FAM171A1: variants seen among roughly 807,000 people sequenced by gnomAD.
FAM171A1 encodes family with sequence similarity 171 member A1, also known as protein FAM171A1.
In FAM171A1, 23 loss-of-function variants were observed where a neutral mutation model predicts 74.9. That is an observed-to-expected ratio of 0.31 (90% CI 0.22 to 0.44). The LOEUF (loss-of-function observed/expected upper bound fraction) is 0.44, where lower values mean the gene tolerates loss of function less well. Among genes scored for constraint, FAM171A1 ranks in the 20% least tolerant of loss-of-function variants. The pLI is 1.00. For synonymous variants in FAM171A1, 527 were observed against 505.7 expected, an observed-to-expected ratio of 1.04 and a Z score of -0.57; for missense variants, 1,162 against 1,159.2, an observed-to-expected ratio of 1.00 and a Z score of -0.03.
intron 5 of FAM171A1, among the ~76,000 whole-genome samples, chr10:15,238,125 T>C (rs559691508): frequency 2.2e-4 from 33 of 152,290 alleles, no homozygotes; most frequent in African/African-American, 1.2e-4. Context: ...ATTCTAATGT[T>C]TGGGGGCACA....
intron 2 of FAM171A1, among the ~76,000 whole-genome samples, chr10:15,281,643 C>G (rs1470209716): frequency 6.6e-6 from 1 of 152,184 alleles, no homozygotes; most frequent in East Asian, 1.9e-4. Flanking sequence ...AAGTGGATCA[C>G]CTGAGGTCAG....
intron 1 of FAM171A1, among the ~76,000 whole-genome samples, chr10:15,290,200 C>A (rs1167977230): frequency 6.6e-6 from 1 of 151,678 alleles, no homozygotes; most frequent in Non-Finnish European, 1.5e-5. Flanking sequence ...TGCACTCCAG[C>A]CTGGATGACA....
intron 1 of FAM171A1, among the ~76,000 whole-genome samples, chr10:15,333,391 C>G (rs1230449254): frequency 6.6e-6 from 1 of 152,094 alleles, no homozygotes; most frequent in African/African-American, 2.4e-5. Flanking sequence ...TCCCAGTTAC[C>G]TGGGAGGCTA....
Position 15,213,019 on chromosome 10 carries a change from G to A in FAM171A1, c.2569C>T (p.His857Tyr), listed in dbSNP as rs748814910. The change falls in exon 8 of 8, where the codon CAC (histidine) becomes TAC (tyrosine). Residue 857 changes from histidine (H) to tyrosine (Y), a missense_variant. By Grantham distance (83) the His-to-Tyr change is moderately conservative. Transcript: ENST00000378116. This position sits in a 1 kb window ranked among gnomAD's most constrained non-coding sequence, Gnocchi z 6.8. ...TCATCATCGTCTTCCTCTTCCTCGTGGGCAGATCTTCTCTGGTGGGGGCTG... is the reference window on the plus strand; with the variant it reads ...TCATCATCGTCTTCCTCTTCCTCGTAGGCAGATCTTCTCTGGTGGGGGCTG... ...AASPHQRRSA[H>Y]EEEEDDDDDD... 1.2e-6 allele frequency: 2 copies of A among 1,613,972 alleles called. No homozygotes were observed. Among genetic ancestry groups the A allele is most frequent in the East Asian group, 4.5e-5 (2 of 44,850 alleles).
In FAM171A1 at chr10:15,212,086, A is replaced by G. The variant is rs1564610531; in HGVS notation, c.*829T>C. 1 of 152,658 alleles carries G rather than the reference A, an allele frequency of 6.6e-6. No individual in the cohort carries two copies. Among genetic ancestry groups the G allele is most frequent in the African/African-American group, 2.4e-5 (1 of 41,458 alleles). The allele number at this position is 152,658 out of a possible 1,614,324, so 9.5% of individuals were successfully genotyped here. ...AAGAGACATCCTTTAATAACTGTATAAAATCCAGGCAGTTCCATTAAAGGG... is the reference window on the plus strand; with the variant it reads ...AAGAGACATCCTTTAATAACTGTATGAAATCCAGGCAGTTCCATTAAAGGG... On this transcript the variant is annotated 3_prime_UTR_variant, in exon 8 of 8. Transcript: ENST00000378116.
intron 5 of FAM171A1, among the ~76,000 whole-genome samples, chr10:15,230,114 C>T (rs1247486390): frequency 6.6e-6 from 1 of 152,170 alleles, no homozygotes; most frequent in Non-Finnish European, 1.5e-5. Context: ...TATACTTTAA[C>T]AAAATCAGCA....
rs932260525 is a variant in FAM171A1 at position 15,351,172 on chromosome 10, T to C, written c.97+19784A>G. ...ACTGAGTCTTAATTCTTTTTATCTT[T>C]GCTCAGATCAGAAGAATGACTGTCT... On this transcript the variant is annotated intron_variant, in intron 1 of 7. Coordinates refer to ENST00000378116, the MANE Select transcript of FAM171A1 (RefSeq NM_001010924.2). Among the ~76,000 whole-genome samples, 8 of 152,360 alleles carry C rather than the reference T, an allele frequency of 5.3e-5. No homozygotes were observed. The South Asian group carries it at 1.7e-3, about 32-fold the overall frequency.
intron 1 of FAM171A1, among the ~76,000 whole-genome samples, chr10:15,368,182 T>G (rs1836089258): frequency 6.6e-6 from 1 of 152,192 alleles, no homozygotes; most frequent in Admixed American, 6.5e-5. Context: ...ACCCTTACCG[T>G]GACAACTGAC....
intron 3 of FAM171A1, among the ~76,000 whole-genome samples, chr10:15,275,393 T>A (rs1284265785): frequency 6.6e-6 from 1 of 151,912 alleles, no homozygotes; most frequent in Non-Finnish European, 1.5e-5. Flanking sequence ...TTTAAGCGAT[T>A]CTCCTGCCTC....
chr10:15,236,862 C>T (rs1588504891), intron 5 of FAM171A1, among the ~76,000 whole-genome samples: 1 of 152,200 alleles, frequency 6.6e-6, no homozygotes, highest in South Asian at 2.1e-4. Context: ...GAGGCTGAGG[C>T]AGGAGGATCA....
chr10:15,333,181 G>C (rs1206989596), intron 1 of FAM171A1, among the ~76,000 whole-genome samples: 1 of 152,154 alleles, frequency 6.6e-6, no homozygotes, highest in African/African-American at 2.4e-5. Context: ...TTGGGTCCTG[G>C]GAACTGGGGC....
intron 3 of FAM171A1, among the ~76,000 whole-genome samples, chr10:15,266,255 G>C (rs1010929768): frequency 6.6e-6 from 1 of 152,196 alleles, no homozygotes; most frequent in Non-Finnish European, 1.5e-5. Context: ...GGAAAAGAAA[G>C]GGGACGAGAG....
chr10:15,250,797 CATTAAA>C (rs1238112938), intron 4 of FAM171A1, among the ~76,000 whole-genome samples: 1 of 152,090 alleles, frequency 6.6e-6, no homozygotes, highest in African/African-American at 2.4e-5. Flanking sequence ...ACTACAGAGA[CATTAAA>C]TAATTTACTA....
At chr10:15,242,086 T>A (rs1170698948) in intron 5 of FAM171A1, among the ~76,000 whole-genome samples, 1 of 152,218 alleles carries the variant, frequency 6.6e-6, no homozygotes, top group African/African-American at 2.4e-5. Context: ...ATTTAAAGTA[T>A]TAAACTATTT....
At chr10:15,332,490 T>C (rs1276766311) in intron 1 of FAM171A1, among the ~76,000 whole-genome samples, 2 of 152,132 alleles carry the variant, frequency 1.3e-5, no homozygotes, top group Non-Finnish European at 2.9e-5. Context: ...AAGGGACAGG[T>C]TCTGGGGCGC....
rs371130762 is a variant in FAM171A1 at position 15,223,307 on chromosome 10, C to T, written c.755-2247G>A. Among the ~76,000 whole-genome samples, 19 of 152,362 alleles carry T rather than the reference C, an allele frequency of 1.2e-4. No homozygotes were observed. In the South Asian group the frequency reaches 1.5e-3, roughly 12 times the overall value. On this transcript the variant is annotated intron_variant, in intron 5 of 7. Coordinates refer to ENST00000378116, the MANE Select transcript of FAM171A1 (RefSeq NM_001010924.2). Reference sequence around the variant, plus strand: ...GCACCCGTTCAGCTCATGACTTACACGTCGTATCCCCTCCCCAAAGCTGGC... The same window carrying T: ...GCACCCGTTCAGCTCATGACTTACATGTCGTATCCCCTCCCCAAAGCTGGC...
intron 1 of FAM171A1, among the ~76,000 whole-genome samples, chr10:15,291,861 C>T (rs938130084): frequency 2.0e-5 from 3 of 152,234 alleles, no homozygotes; most frequent in African/African-American, 7.2e-5. Context: ...AGACCCACAC[C>T]TCCCTGTCTT....
chr10:15,295,349 A>G (rs1001654915), intron 1 of FAM171A1, among the ~76,000 whole-genome samples: 1 of 152,230 alleles, frequency 6.6e-6, no homozygotes, highest in African/African-American at 2.4e-5. Context: ...ATTCCAAAAC[A>G]TGTACTATTC....
chr10:15,283,337 C>T (rs564728280), intron 2 of FAM171A1, among the ~76,000 whole-genome samples: 1 of 152,216 alleles, frequency 6.6e-6, no homozygotes, highest in Non-Finnish European at 1.5e-5. Flanking sequence ...TCTCTCCTGT[C>T]CATTCTCCAA....
Sources: gnomAD v4.1 joint callset for allele counts (sites outside exome capture counted in the v4.1 genomes callset) on GRCh38, gnomAD v4.1.1 for gene constraint, Gnocchi (gnomAD v3.1) non-coding constraint, MANE v1.5 for transcripts, NCBI Gene and HGNC (gene_info 2026-07-23, HGNC 2026-07-21) for gene names.